The following CSNK2A1 variants were observed in gnomAD, a reference collection of about 807,000 sequenced individuals.
CSNK2A1 encodes casein kinase 2 alpha 1.
CSNK2A1 carries 10 observed loss-of-function variants against 62.9 expected under a neutral mutation model. That is an observed-to-expected ratio of 0.16 (90% CI 0.10 to 0.27). The LOEUF (loss-of-function observed/expected upper bound fraction) is 0.27. CSNK2A1 is among the 10% of genes least tolerant of loss of function. The probability of loss-of-function intolerance (pLI) is 1.00; values close to 1 mark genes in which losing one functional copy is unlikely to be tolerated. For synonymous variants in CSNK2A1, 124 were observed against 167.8 expected, an observed-to-expected ratio of 0.74 and a Z score of 2.02; for missense variants, 160 against 492.0, an observed-to-expected ratio of 0.33 and a Z score of 6.38.
intron 13 of CSNK2A1, among the ~76,000 whole-genome samples, chr20:485,083 A>T (rs2018045357): frequency 1.4e-4 from 5 of 35,812 alleles, no homozygotes; most frequent in Admixed American, 9.3e-4. Flanking sequence ...AAAAAAAAAA[A>T]AAAAAAAAAA....
Position 480,770 on chromosome 20 carries a change from A to G in CSNK2A1, c.*3191T>C, listed in dbSNP as rs925504173. On this transcript the variant is annotated 3_prime_UTR_variant, in exon 14 of 14. Coordinates refer to ENST00000217244, the MANE Select transcript of CSNK2A1 (RefSeq NM_177559.3). Reference sequence around the variant, plus strand: ...CTGGTGGGACAAAATCAGGTTTTTCAAGAGATGCTTAAATGGTCAATTCTA... The same window carrying G: ...CTGGTGGGACAAAATCAGGTTTTTCGAGAGATGCTTAAATGGTCAATTCTA... 1 of 152,228 alleles carries G rather than the reference A, an allele frequency of 6.6e-6. No homozygotes were observed. The highest frequency in any genetic ancestry group is 2.1e-4 in the South Asian group (1 of 4,830). The allele number at this position is 152,228 out of a possible 1,614,324, so 9.4% of individuals were successfully genotyped here.
intron 2 of CSNK2A1, among the ~76,000 whole-genome samples, chr20:513,967 C>G (rs544112684): frequency 6.6e-6 from 1 of 152,010 alleles, no homozygotes; most frequent in Admixed American, 6.6e-5. Context: ...ATTAATTATA[C>G]GGGAAAATAA....
Position 476,119 on chromosome 20 carries a change from G to A in CSNK2A1, c.*7842C>T, listed in dbSNP as rs751170573. ...ACAAGCAAAATTGAGCCAGGAGACA[G>A]GGTTCTGATCCCAGGCATGGGCCTT... On this transcript the variant is annotated 3_prime_UTR_variant, in exon 14 of 14. Coordinates refer to ENST00000217244, the MANE Select transcript of CSNK2A1 (RefSeq NM_177559.3). 2.0e-5 allele frequency: 3 copies of A among 152,374 alleles called. No homozygotes were observed. The highest frequency in any genetic ancestry group is 4.4e-5 in the Non-Finnish European group (3 of 68,150). 9.4% of individuals were successfully genotyped at this position (152,374 alleles called of 1,614,324 possible). A position where few individuals can be genotyped will look rare whatever the true frequency, so the allele number is the denominator to read the frequency against.
At chr20:496,476 T>A (rs2018348979) in intron 7 of CSNK2A1, 1 of 152,330 alleles carries the variant, frequency 6.6e-6, no homozygotes, top group Non-Finnish European at 1.5e-5. Context: ...AACTGAGTAG[T>A]ATAATCTTTG....
chr20:499,790 C>A lies in CSNK2A1; in HGVS notation c.315+43G>T, dbSNP rs1349467243. 2 of 1,587,150 alleles carry A rather than the reference C, an allele frequency of 1.3e-6. No individual in the cohort carries two copies. Among genetic ancestry groups the A allele is most frequent in the African/African-American group, 2.7e-5 (2 of 74,342 alleles). On this transcript the variant is annotated intron_variant, in intron 5 of 13. Transcript: ENST00000217244. The surrounding 1 kb of genome is among the most constrained non-coding windows in gnomAD (Gnocchi z 4.2). ...GCCAGTTGTGCTCCAGGTCAAACAC[C>A]ATCTCAGCTCTGGCGGGCCTTGCTA...
In CSNK2A1 at chr20:483,688, GA is replaced by G. The variant is rs374186863; in HGVS notation, c.*272del. On this transcript the variant is annotated 3_prime_UTR_variant, in exon 14 of 14. Transcript: ENST00000217244. ...ATGAGGAACTAAATTTGGGAGGGGAGAAAAAAAAATTTGTCCATGAAATATT... is the reference window on the plus strand; with the variant it reads ...ATGAGGAACTAAATTTGGGAGGGGAGAAAAAAAATTTGTCCATGAAATATT... The G allele has an allele frequency of 2.1e-4, 46 of 224,044 alleles. No homozygotes were observed. Among genetic ancestry groups the G allele is most frequent in the Non-Finnish European group, 2.4e-4 (28 of 117,356 alleles). 13.9% of individuals were successfully genotyped at this position (224,044 alleles called of 1,614,324 possible). A position where few individuals can be genotyped will look rare whatever the true frequency, so the allele number is the denominator to read the frequency against.
At chr20:506,240 C>T (rs2018599962) in intron 3 of CSNK2A1, 1 of 152,174 alleles carries the variant, frequency 6.6e-6, no homozygotes, top group Admixed American at 6.5e-5. Flanking sequence ...TTAGCAGGAA[C>T]TAAAAACATT....
intron 2 of CSNK2A1, among the ~76,000 whole-genome samples, chr20:510,654 A>G (rs1464385915): frequency 6.6e-6 from 1 of 152,230 alleles, no homozygotes; most frequent in African/African-American, 2.4e-5. Context: ...GTAAAATATT[A>G]CAATAGGTAA....
intron 2 of CSNK2A1, among the ~76,000 whole-genome samples, chr20:524,597 G>A (rs990799986): frequency 7.4e-5 from 11 of 147,694 alleles, no homozygotes; most frequent in South Asian, 2.1e-4. Flanking sequence ...GGGTGTGGTG[G>A]CGGGTGCCTA....
intron 1 of CSNK2A1, among the ~76,000 whole-genome samples, chr20:542,642 A>C (rs1235348827): frequency 6.6e-6 from 1 of 152,090 alleles, no homozygotes; most frequent in Non-Finnish European, 1.5e-5. Flanking sequence ...CGTGTTGGTC[A>C]GGCTGGTCTC....
chr20:521,942 A>G (rs2018957669), intron 2 of CSNK2A1, among the ~76,000 whole-genome samples: 1 of 152,200 alleles, frequency 6.6e-6, no homozygotes, highest in African/African-American at 2.4e-5. Context: ...TACATATTGT[A>G]TACTTCCATT....
intron 1 of CSNK2A1, 140 bp downstream of exon 1, chr20:543,532 T>G: frequency 5.1e-6 from 2 of 389,504 alleles, no homozygotes; most frequent in Admixed American, 4.5e-5. Context: ...CTCGCTTGGT[T>G]TATGTGTGAA....
chr20:504,965 A>T, intron 4 of CSNK2A1, 153 bp downstream of exon 4: 1 of 626,844 alleles, frequency 1.6e-6, no homozygotes, highest in Non-Finnish European at 2.7e-6. Context: ...TCAAATAAGC[A>T]GAACTTGTTC....
intron 3 of CSNK2A1, chr20:506,891 C>T (rs1403923848): frequency 6.6e-6 from 1 of 152,110 alleles, no homozygotes; most frequent in African/African-American, 2.4e-5. Flanking sequence ...GAACCAAGTG[C>T]AAAGCACTCA....
intron 2 of CSNK2A1, chr20:510,114 A>G (rs1183999051): frequency 6.6e-6 from 1 of 152,202 alleles, no homozygotes; most frequent in Non-Finnish European, 1.5e-5. Flanking sequence ...AAATTATTGT[A>G]TCAATGTAAA....
chr20:478,596 A>C lies in CSNK2A1; in HGVS notation c.*5365T>G, dbSNP rs576536308. The C allele has an allele frequency of 7.5e-6, 3 of 398,570 alleles. No individual in the cohort carries two copies. Among genetic ancestry groups the C allele is most frequent in the African/African-American group, 6.5e-5 (3 of 46,228 alleles). The allele number at this position is 398,570 out of a possible 1,614,324, so 24.7% of individuals were successfully genotyped here. On this transcript the variant is annotated 3_prime_UTR_variant, in exon 14 of 14. Transcript: ENST00000217244. ...GACCATCCTGTAAGCTTCCATCTGG[A>C]GGTACCTGGGGAAGGGCTTCTCACA...
intron 1 of CSNK2A1, among the ~76,000 whole-genome samples, chr20:532,727 G>A (rs975162010): frequency 3.3e-5 from 5 of 152,118 alleles, no homozygotes; most frequent in South Asian, 2.1e-4. Context: ...CCATGCAGCA[G>A]GTTGAGAAAA....
chr20:505,683 A>T (rs1307642580), intron 3 of CSNK2A1, among the ~76,000 whole-genome samples: 43 of 131,854 alleles, frequency 3.3e-4, no homozygotes, highest in East Asian at 1.2e-3. Flanking sequence ...TTTTTTTTTT[A>T]AATTAGGCCA....
rs946273159 is a variant in CSNK2A1, at chr20:483,885, C to A, written c.*76G>T. 2.8e-6 allele frequency: 4 copies of A among 1,444,960 alleles called. No individual in the cohort carries two copies. In the East Asian group the frequency reaches 1.1e-4, roughly 38 times the overall value. The allele number at this position is 1,444,960 out of a possible 1,614,324, so 89.5% of individuals were successfully genotyped here. ...GCTTCTGAAGTGTTTCACCCCTCCC[C>A]GCCAGGCGCAAGCTGCATCAAGGAG... On this transcript the variant is annotated 3_prime_UTR_variant, in exon 14 of 14. Transcript: ENST00000217244.
Sources: gnomAD v4.1 joint callset for allele counts (sites outside exome capture counted in the v4.1 genomes callset) on GRCh38, gnomAD v4.1.1 for gene constraint, Gnocchi (gnomAD v3.1) non-coding constraint, MANE v1.5 for transcripts, NCBI Gene and HGNC (gene_info 2026-07-23, HGNC 2026-07-21) for gene names.